SGCZ: variants seen among roughly 807,000 people sequenced by gnomAD.
The protein encoded by SGCZ is zeta-sarcoglycan.
In SGCZ, 40 loss-of-function variants were observed where a neutral mutation model predicts 41.3. The ratio of observed to expected loss-of-function variants is 0.97; its 90% CI spans 0.75 to 1.26. The LOEUF (loss-of-function observed/expected upper bound fraction) is 1.26, where lower values mean the gene tolerates loss of function less well. Among genes scored for constraint, SGCZ ranks in the 50% most tolerant of loss-of-function variants. The pLI, the probability that SGCZ is intolerant of heterozygous loss-of-function variation, is 0.00. For synonymous variants in SGCZ, 206 were observed against 137.5 expected, an observed-to-expected ratio of 1.50 and a Z score of -3.49; for missense variants, 552 against 369.8, an observed-to-expected ratio of 1.49 and a Z score of -4.04.
chr8:15,220,178 T>C (rs1801544798), intron 1 of SGCZ, among the ~76,000 whole-genome samples: 1 of 152,144 alleles, frequency 6.6e-6, no homozygotes, highest in Non-Finnish European at 1.5e-5. Context: ...CTAAACAATA[T>C]ACTAAAACCA....
At chr8:14,470,546 C>G (rs1351641489) in intron 2 of SGCZ, among the ~76,000 whole-genome samples, 1 of 151,946 alleles carries the variant, frequency 6.6e-6, no homozygotes, top group Admixed American at 6.6e-5. Flanking sequence ...ATATTCCTAA[C>G]CCCAGTTTTC....
At chr8:15,160,514 C>T (rs1187956645) in intron 1 of SGCZ, among the ~76,000 whole-genome samples, 3 of 152,076 alleles carry the variant, frequency 2.0e-5, no homozygotes, top group Admixed American at 2.0e-4. Context: ...GCAACACAAC[C>T]CTATTCCCCA....
At chr8:14,933,709 A>C (rs1318281727) in intron 1 of SGCZ, among the ~76,000 whole-genome samples, 3 of 151,802 alleles carry the variant, frequency 2.0e-5, no homozygotes, top group African/African-American at 4.9e-5. Flanking sequence ...GCCTTGGCCT[A>C]CCAAAGTGCT....
At chr8:14,126,515 T>C (rs933407162) in intron 5 of SGCZ, among the ~76,000 whole-genome samples, 18 of 152,012 alleles carry the variant, frequency 1.2e-4, no homozygotes, top group African/African-American at 3.6e-4. Flanking sequence ...TGTGGAGAAA[T>C]AGGAATACTT....
chr8:14,885,271 C>G (rs1380846915), intron 1 of SGCZ, among the ~76,000 whole-genome samples: 1 of 152,130 alleles, frequency 6.6e-6, no homozygotes, highest in African/African-American at 2.4e-5. Flanking sequence ...TCAGTACCAG[C>G]ACAGTGGATG....
chr8:15,009,959 A>G (rs550212943), intron 1 of SGCZ, among the ~76,000 whole-genome samples: 19 of 152,200 alleles, frequency 1.2e-4, no homozygotes, highest in Non-Finnish European at 2.8e-4. Flanking sequence ...CTTAAATATA[A>G]TAAAATGTAA....
At chr8:14,917,356 T>G (rs1310596918) in intron 1 of SGCZ, among the ~76,000 whole-genome samples, 1 of 152,100 alleles carries the variant, frequency 6.6e-6, no homozygotes, top group Non-Finnish European at 1.5e-5. Context: ...TTTTATTTAT[T>G]CATATCGTAA....
At chr8:14,286,543 G>C (rs986838180) in intron 3 of SGCZ, among the ~76,000 whole-genome samples, 1 of 152,020 alleles carries the variant, frequency 6.6e-6, no homozygotes. Flanking sequence ...GACAGCAGTA[G>C]TTTATATCTA....
chr8:14,772,954 G>A (rs1377068954), intron 1 of SGCZ, among the ~76,000 whole-genome samples: 3 of 152,020 alleles, frequency 2.0e-5, no homozygotes, highest in African/African-American at 7.2e-5. Flanking sequence ...GTAATGGGAT[G>A]GCTGGGTCAA....
intron 1 of SGCZ, among the ~76,000 whole-genome samples, chr8:14,990,808 C>G (rs1057243722): frequency 6.6e-6 from 1 of 152,086 alleles, no homozygotes; most frequent in African/African-American, 2.4e-5. Context: ...TTGTCCATCC[C>G]TGGTGCCAAA....
chr8:15,176,072 T>C (rs1230099512), intron 1 of SGCZ, among the ~76,000 whole-genome samples: 2 of 152,238 alleles, frequency 1.3e-5, no homozygotes, highest in Admixed American at 6.5e-5. Context: ...ATTCTCAAAG[T>C]GTTAAGTTTA....
chr8:14,622,582 T>C (rs1806322114), intron 1 of SGCZ, among the ~76,000 whole-genome samples: 2 of 151,990 alleles, frequency 1.3e-5, no homozygotes, highest in African/African-American at 4.8e-5. Flanking sequence ...TTCTTGTTTG[T>C]TTTGAAAATA....
chr8:14,412,473 A>T (rs28433112), intron 2 of SGCZ, among the ~76,000 whole-genome samples: 47,985 of 151,786 alleles, frequency 0.32, 7,655 homozygotes, highest in Admixed American at 0.36. Flanking sequence ...TGCATTTCCA[A>T]TTAAAATAGA....
chr8:14,605,170 C>T (rs1009429507), intron 1 of SGCZ, among the ~76,000 whole-genome samples: 1 of 152,144 alleles, frequency 6.6e-6, no homozygotes, highest in South Asian at 2.1e-4. Flanking sequence ...CTCCTTGAAA[C>T]GTAAAATTCA....
intron 3 of SGCZ, among the ~76,000 whole-genome samples, chr8:14,283,922 T>C (rs1212524190): frequency 6.6e-6 from 1 of 152,234 alleles, no homozygotes; most frequent in Non-Finnish European, 1.5e-5. Flanking sequence ...TTTGTTCTTG[T>C]TTAAAACTTA....
intron 1 of SGCZ, among the ~76,000 whole-genome samples, chr8:14,849,281 T>G (rs1803235936): frequency 1.3e-5 from 2 of 152,086 alleles, no homozygotes; most frequent in Admixed American, 6.6e-5. Context: ...CTTTAAAAAC[T>G]TAAAGACTGT....
chr8:14,114,767 G>A (rs1278205877), intron 5 of SGCZ, among the ~76,000 whole-genome samples: 1 of 151,916 alleles, frequency 6.6e-6, no homozygotes, highest in Non-Finnish European at 1.5e-5. Context: ...CACTGGAAAC[G>A]ATCCAGACTT....
chr8:14,391,192 A>G (rs766707351), intron 2 of SGCZ, among the ~76,000 whole-genome samples: 1 of 152,148 alleles, frequency 6.6e-6, no homozygotes, highest in Non-Finnish European at 1.5e-5. Flanking sequence ...TGGAAAAAGT[A>G]AGACTGGCCA....
intron 1 of SGCZ, among the ~76,000 whole-genome samples, chr8:15,149,772 T>G (rs1301213053): frequency 2.0e-5 from 3 of 149,600 alleles, no homozygotes. Flanking sequence ...TTTAAAAATT[T>G]CAAATGCATA....
Sources: gnomAD v4.1 joint callset for allele counts (sites outside exome capture counted in the v4.1 genomes callset) on GRCh38, gnomAD v4.1.1 for gene constraint, MANE v1.5 for transcripts, NCBI Gene and HGNC (gene_info 2026-07-23, HGNC 2026-07-21) for gene names.